Variants in DENND5B observed in about 807,000 individuals in gnomAD.
The protein encoded by DENND5B is DENN domain-containing protein 5B.
In DENND5B, 34 loss-of-function variants were observed where a neutral mutation model predicts 140.6. That is an observed-to-expected ratio of 0.24 (90% CI 0.18 to 0.32). DENND5B has a LOEUF of 0.32. Ranked by LOEUF, DENND5B falls within the 10% of genes least tolerant of loss-of-function variation. DENND5B has a pLI of 1.00. For missense variants in DENND5B, 1,142 were observed against 1,560.2 expected (o/e 0.73, Z 4.52); for synonymous variants, 551 against 562.1 (o/e 0.98, Z 0.28).
intron 1 of DENND5B, among the ~76,000 whole-genome samples, chr12:31,554,119 G>C (rs1949182894): frequency 6.6e-6 from 1 of 152,150 alleles, no homozygotes; most frequent in South Asian, 2.1e-4. Flanking sequence ...ATGTTAGATG[G>C]TTATTTTGCT....
intron 3 of DENND5B, 97 bp from the exon 4 acceptor site, chr12:31,460,478 G>T: frequency 1.7e-6 from 2 of 1,155,290 alleles, no homozygotes; most frequent in Non-Finnish European, 2.4e-6. Flanking sequence ...AAAAATTTCT[G>T]CGTTAAAAGT....
At chr12:31,451,405 CCT>C (rs2138119080) in intron 5 of DENND5B, among the ~76,000 whole-genome samples, 1 of 152,174 alleles carries the variant, frequency 6.6e-6, no homozygotes, top group Admixed American at 6.5e-5. Flanking sequence ...CTCACTGCAA[CCT>C]CTGCCTCCCG....
intron 1 of DENND5B, among the ~76,000 whole-genome samples, chr12:31,589,213 A>G (rs1950512869): frequency 6.6e-6 from 1 of 152,210 alleles, no homozygotes; most frequent in South Asian, 2.1e-4. Context: ...TAGAAAAATA[A>G]CAATATTCCT....
At chr12:31,510,717 G>A (rs569546163) in intron 1 of DENND5B, among the ~76,000 whole-genome samples, 30 of 152,176 alleles carry the variant, frequency 2.0e-4, no homozygotes, top group Non-Finnish European at 2.9e-4. Context: ...TTAAGGACTC[G>A]TGATTATACA....
chr12:31,528,311 C>T (rs1220779853), intron 1 of DENND5B, among the ~76,000 whole-genome samples: 4 of 152,208 alleles, frequency 2.6e-5, no homozygotes, highest in Non-Finnish European at 5.9e-5. Context: ...CCTGTCTTCA[C>T]ATCACTTCCT....
intron 1 of DENND5B, among the ~76,000 whole-genome samples, chr12:31,499,993 T>C (rs1306066213): frequency 1.3e-5 from 2 of 152,266 alleles, no homozygotes; most frequent in Non-Finnish European, 2.9e-5. Flanking sequence ...AATGCTTCTA[T>C]AGTCAGATAT....
chr12:31,445,741 AG>A (rs1944246553), intron 6 of DENND5B, among the ~76,000 whole-genome samples: 1 of 151,300 alleles, frequency 6.6e-6, no homozygotes, highest in Admixed American at 6.6e-5. Flanking sequence ...CTGTAATCCC[AG>A]CACTTTAGGA....
intron 15 of DENND5B, among the ~76,000 whole-genome samples, chr12:31,401,928 A>C (rs1593066417): frequency 1.3e-5 from 2 of 152,238 alleles, no homozygotes; most frequent in South Asian, 4.2e-4. Flanking sequence ...CCTGGCCAAA[A>C]GGCATTTTTA....
chr12:31,525,653 A>G (rs2089939801), intron 1 of DENND5B, among the ~76,000 whole-genome samples: 1 of 152,196 alleles, frequency 6.6e-6, no homozygotes, highest in African/African-American at 2.4e-5. Flanking sequence ...TAAATGGTGC[A>G]TTTGATATGT....
chr12:31,395,148 T>G (rs983200270), intron 17 of DENND5B, among the ~76,000 whole-genome samples: 2 of 152,200 alleles, frequency 1.3e-5, no homozygotes, highest in Non-Finnish European at 1.5e-5. Flanking sequence ...ATTCATTTCT[T>G]TTGTGTACAT....
chr12:31,457,146 GCT>G (rs1263473365), intron 4 of DENND5B, among the ~76,000 whole-genome samples: 1 of 152,216 alleles, frequency 6.6e-6, no homozygotes, highest in African/African-American at 2.4e-5. Flanking sequence ...TGCAAAAGCA[GCT>G]CTGTTTCAGT....
Position 31,457,258 on chromosome 12 carries a change from C to T in DENND5B, c.1092+2936G>A, listed in dbSNP as rs539234784. ...CAATTAATCTTCAGTGCCTTCCTTC[C>T]ACTCTCATTCTCTCTATCCTACTCC... On this transcript the variant is annotated intron_variant, in intron 4 of 20. Transcript: ENST00000389082. Among the ~76,000 whole-genome samples the T allele has an allele frequency of 1.1e-4, 16 of 152,310 alleles. No homozygotes were observed. The South Asian group carries it at 3.3e-3, about 32-fold the overall frequency.
intron 1 of DENND5B, among the ~76,000 whole-genome samples, chr12:31,504,386 C>T (rs1947116162): frequency 6.6e-6 from 1 of 152,148 alleles, no homozygotes; most frequent in South Asian, 2.1e-4. Context: ...TCTCTCTTCA[C>T]CAAAGGAATA....
intron 1 of DENND5B, among the ~76,000 whole-genome samples, chr12:31,568,699 C>G (rs1430979946): frequency 2.0e-5 from 3 of 152,192 alleles, no homozygotes; most frequent in African/African-American, 4.8e-5. Flanking sequence ...GCCTAAACAG[C>G]TGCAGTGAAA....
chr12:31,451,788 G>T, intron 5 of DENND5B, 152 bp downstream of exon 5: 1 of 870,748 alleles, frequency 1.1e-6, no homozygotes, highest in Non-Finnish European at 1.7e-6. Context: ...TCTTAATGGG[G>T]CTGGAAGACA....
intron 7 of DENND5B, among the ~76,000 whole-genome samples, chr12:31,437,966 T>C (rs1280768327): frequency 6.6e-6 from 1 of 152,220 alleles, no homozygotes; most frequent in East Asian, 1.9e-4. Context: ...ATTAACCCCA[T>C]CACTTTCTAG....
chr12:31,454,812 C>CTTTTTTTTTTTT (rs201720111), intron 4 of DENND5B, among the ~76,000 whole-genome samples: 1 of 93,884 alleles, frequency 1.1e-5, no homozygotes, highest in Non-Finnish European at 1.9e-5. Context: ...GATTCAGTAT[C>CTTTTTTTTTTTT]TTTTTTTTTT....
intron 1 of DENND5B, among the ~76,000 whole-genome samples, chr12:31,568,530 C>G (rs17497998): frequency 0.13 from 20,435 of 152,176 alleles, 1,624 homozygotes; most frequent in Non-Finnish European, 0.18. Context: ...AGCAAACACC[C>G]ATATTTTTGT....
chr12:31,480,664 A>C (rs1197191644), intron 2 of DENND5B, among the ~76,000 whole-genome samples: 9 of 152,248 alleles, frequency 5.9e-5, no homozygotes, highest in Admixed American at 1.3e-4. Context: ...TTTCACAAAT[A>C]TTAAAAAGCA....
Sources: gnomAD v4.1 joint callset for allele counts (sites outside exome capture counted in the v4.1 genomes callset) on GRCh38, gnomAD v4.1.1 for gene constraint, MANE v1.5 for transcripts, NCBI Gene and HGNC (gene_info 2026-07-23, HGNC 2026-07-21) for gene names.